The following TAFA1 variants were observed in gnomAD, a reference collection of about 807,000 sequenced individuals.
TAFA1 encodes chemokine-like protein TAFA-1.
In TAFA1, 4 loss-of-function variants were observed where a neutral mutation model predicts 18.5. The ratio of observed to expected loss-of-function variants is 0.22; its 90% CI spans 0.11 to 0.49. The LOEUF (loss-of-function observed/expected upper bound fraction) is 0.49. Ranked by LOEUF, TAFA1 falls within the 20% of genes least tolerant of loss-of-function variation. The pLI is 0.98. For synonymous variants in TAFA1, 56 were observed against 55.2 expected (o/e 1.01, Z -0.06); for missense variants, 147 against 169.0 (o/e 0.87, Z 0.72).
chr3:68,025,926 C>G (rs1704804700), intron 2 of TAFA1, among the ~76,000 whole-genome samples: 1 of 152,106 alleles, frequency 6.6e-6, no homozygotes, highest in African/African-American at 2.4e-5. Context: ...AAACTTGTCT[C>G]CCTCCACAGG....
At chr3:68,161,729 T>A (rs543405299) in intron 2 of TAFA1, among the ~76,000 whole-genome samples, 36 of 152,150 alleles carry the variant, frequency 2.4e-4, no homozygotes, top group Non-Finnish European at 4.6e-4. Flanking sequence ...CCCCATTTTG[T>A]TATTATTTTG....
At chr3:68,112,331 A>C (rs1279955988) in intron 2 of TAFA1, among the ~76,000 whole-genome samples, 1 of 152,212 alleles carries the variant, frequency 6.6e-6, no homozygotes, top group African/African-American at 2.4e-5. Context: ...CAGAAATTCA[A>C]AGTTGTTTAA....
chr3:68,505,884 C>CT (rs35014492), intron 3 of TAFA1, among the ~76,000 whole-genome samples: 30,122 of 150,000 alleles, frequency 0.2, 3,058 homozygotes, highest in Non-Finnish European at 0.22. Flanking sequence ...TATTCTATTT[C>CT]TTTTTTTTTT....
intron 2 of TAFA1, among the ~76,000 whole-genome samples, chr3:68,160,435 C>G (rs1472020071): frequency 6.6e-6 from 1 of 152,178 alleles, no homozygotes; most frequent in African/African-American, 2.4e-5. Context: ...TGTGCCAACT[C>G]TTATAGTAGA....
intron 2 of TAFA1, among the ~76,000 whole-genome samples, chr3:68,098,778 T>A (rs1007426099): frequency 6.6e-6 from 1 of 151,992 alleles, no homozygotes; most frequent in African/African-American, 2.4e-5. Flanking sequence ...CAGTAACTGG[T>A]ACAACATGGT....
At position 68,004,568 on chromosome 3, in the gene TAFA1, T is replaced by C. The variant is rs1047637476; in HGVS notation, c.-138T>C. On this transcript the variant is annotated 5_prime_UTR_variant, in exon 1 of 5. Transcript: ENST00000478136. ...GAAGAGAGTAACATTTTTTTTTTTT[T>C]AATCCTGATAAAGAAGATTGTTGGG... 6.6e-6 allele frequency: 1 copy of C among 151,100 alleles called. No homozygotes were observed. Among genetic ancestry groups the C allele is most frequent in the Admixed American group, 6.6e-5 (1 of 15,154 alleles). 9.4% of individuals were successfully genotyped at this position (151,100 alleles called of 1,614,324 possible).
chr3:68,176,908 G>A lies in TAFA1; in HGVS notation c.118+170164G>A, dbSNP rs150467154. On this transcript the variant is annotated intron_variant, in intron 2 of 4. Coordinates refer to ENST00000478136, the MANE Select transcript of TAFA1 (RefSeq NM_213609.4). ...ATTGTTTACTAGTTCTGGGAGGAAT[G>A]TGGGGGGAAATTGATTCAGTTGTTT... Among the ~76,000 whole-genome samples the A allele has an allele frequency of 7.6e-4, 116 of 152,242 alleles. 1 individual carries two copies. Among genetic ancestry groups the A allele is most frequent in the East Asian group, 5.0e-3 (26 of 5,182 alleles).
intron 2 of TAFA1, among the ~76,000 whole-genome samples, chr3:68,143,450 A>G (rs897441320): frequency 6.6e-6 from 1 of 152,204 alleles, no homozygotes; most frequent in African/African-American, 2.4e-5. Context: ...ACAGCAATAT[A>G]CAAAGCACAA....
chr3:68,372,578 C>G (rs962613080), intron 2 of TAFA1, among the ~76,000 whole-genome samples: 2 of 152,102 alleles, frequency 1.3e-5, no homozygotes, highest in African/African-American at 4.8e-5. Flanking sequence ...GACAAATAGC[C>G]TAGCATGCAA....
chr3:68,173,768 A>G (rs1021279554), intron 2 of TAFA1, among the ~76,000 whole-genome samples: 8 of 152,050 alleles, frequency 5.3e-5, no homozygotes, highest in African/African-American at 1.4e-4. Context: ...GCCTTCCTTT[A>G]TAGTGTTTTT....
At chr3:68,226,561 C>T (rs1475222641) in intron 2 of TAFA1, among the ~76,000 whole-genome samples, 1 of 152,010 alleles carries the variant, frequency 6.6e-6, no homozygotes, top group Non-Finnish European at 1.5e-5. Flanking sequence ...TCTCCTTGGC[C>T]TCAAGGACCT....
intron 3 of TAFA1, among the ~76,000 whole-genome samples, chr3:68,435,509 A>C (rs2071253354): frequency 6.6e-6 from 1 of 152,166 alleles, no homozygotes; most frequent in Non-Finnish European, 1.5e-5. Context: ...TTTCTAGTAT[A>C]ATTGCTATTC....
At chr3:68,432,660 T>C (rs529026532) in intron 3 of TAFA1, among the ~76,000 whole-genome samples, 30 of 152,118 alleles carry the variant, frequency 2.0e-4, no homozygotes, top group African/African-American at 6.5e-4. Flanking sequence ...AGGAGACAAG[T>C]TGAACGCGAC....
chr3:68,393,584 C>G (rs2070308056), intron 2 of TAFA1, among the ~76,000 whole-genome samples: 1 of 152,130 alleles, frequency 6.6e-6, no homozygotes, highest in South Asian at 2.1e-4. Flanking sequence ...AGGGCAATAT[C>G]CCTGTTGAAC....
chr3:68,296,752 G>A (rs1460413961), intron 2 of TAFA1, among the ~76,000 whole-genome samples: 2 of 152,132 alleles, frequency 1.3e-5, no homozygotes, highest in Non-Finnish European at 2.9e-5. Context: ...TGCAGACACT[G>A]TGCTAGGTGC....
intron 2 of TAFA1, among the ~76,000 whole-genome samples, chr3:68,010,261 G>C (rs1461099215): frequency 6.6e-6 from 1 of 152,162 alleles, no homozygotes; most frequent in Non-Finnish European, 1.5e-5. Context: ...CACTTTGGCT[G>C]TTCCTTGCAT....
intron 2 of TAFA1, among the ~76,000 whole-genome samples, chr3:68,211,280 GT>G (rs751779013): frequency 5.3e-5 from 8 of 152,184 alleles, no homozygotes; most frequent in Non-Finnish European, 1.0e-4. Context: ...GCTCCAATAT[GT>G]AGGTATAACA....
intron 2 of TAFA1, among the ~76,000 whole-genome samples, chr3:68,367,383 T>C (rs1037167350): frequency 2.0e-5 from 3 of 152,176 alleles, no homozygotes; most frequent in East Asian, 1.9e-4. Flanking sequence ...AATCTTGCAG[T>C]GGTGAGATTT....
intron 2 of TAFA1, among the ~76,000 whole-genome samples, chr3:68,173,396 G>T (rs1381709085): frequency 6.6e-6 from 1 of 151,544 alleles, no homozygotes; most frequent in Non-Finnish European, 1.5e-5. Flanking sequence ...ATACATTTCT[G>T]GGTGTGAGCT....
Sources: gnomAD v4.1 joint callset for allele counts (sites outside exome capture counted in the v4.1 genomes callset) on GRCh38, gnomAD v4.1.1 for gene constraint, MANE v1.5 for transcripts, NCBI Gene and HGNC (gene_info 2026-07-23, HGNC 2026-07-21) for gene names.